CXCL6: variants seen among roughly 807,000 people sequenced by gnomAD.
The protein encoded by CXCL6 is C-X-C motif chemokine ligand 6, also known as C-X-C motif chemokine 6.
CXCL6 carries 18 observed loss-of-function variants against 10.5 expected under a neutral mutation model. The ratio of observed to expected loss-of-function variants is 1.71; its 90% CI spans 1.18 to 2.54. CXCL6 has a LOEUF of 2.54. CXCL6 is among the 30% of genes most tolerant of loss of function. CXCL6 has a pLI of 0.00. For missense variants in CXCL6, 171 were observed against 145.7 expected (o/e 1.17, Z -0.90); for synonymous variants, 82 against 68.3 (o/e 1.20, Z -0.99).
At chr4:73,837,482 CA>C in intron 3 of CXCL6, 140 bp from the exon 4 acceptor site, 1 of 935,088 alleles carries the variant, frequency 1.1e-6, no homozygotes, top group Non-Finnish European at 1.7e-6. Flanking sequence ...AACAATTACA[CA>C]GAGCTCATTA....
At position 73,836,701 on chromosome 4, in the gene CXCL6, C is replaced by A. The variant is rs748863270; in HGVS notation, c.-50C>A. 1.2e-5 allele frequency: 18 copies of A among 1,488,666 alleles called. No individual in the cohort carries two copies. In the African/African-American group the frequency reaches 1.7e-4, roughly 14 times the overall value. The allele number at this position is 1,488,666 out of a possible 1,614,324, so 92.2% of individuals were successfully genotyped here. A position where few individuals can be genotyped will look rare whatever the true frequency, so the allele number is the denominator to read the frequency against. The stretch of plus-strand genomic sequence containing the variant: ...ACCAAAGTGCTCTGTATCCTCCAGT[C>A]TCCGCGCCTCCACCCAGCTCAGGAA... On this transcript the variant is annotated 5_prime_UTR_variant, in exon 1 of 4. Transcript: ENST00000226317.
chr4:73,837,108 T>G lies in CXCL6; in HGVS notation c.242+12T>G. On this transcript the variant is annotated intron_variant, in intron 2 of 3. Coordinates refer to ENST00000226317, the MANE Select transcript of CXCL6 (RefSeq NM_002993.4). The stretch of plus-strand genomic sequence containing the variant: ...AAGGTGGAAGTGGTGTAAGTTCTCC[T>G]GTGTTGCTGTGTCCACTGTGACTTA... 1 of 1,612,866 alleles carries G rather than the reference T, an allele frequency of 6.2e-7. No homozygotes were observed. Among genetic ancestry groups the G allele is most frequent in the Non-Finnish European group, 8.5e-7 (1 of 1,179,422 alleles).
At chr4:73,837,587 G>A (rs1578139046) in intron 3 of CXCL6, 36 bp from the exon 4 acceptor site, 2 of 1,561,410 alleles carry the variant, frequency 1.3e-6, no homozygotes, top group Non-Finnish European at 1.7e-6. Context: ...AAGAGTGTGG[G>A]AATTGGTTAT....
At chr4:73,836,896 T>C in intron 1 of CXCL6, 37 bp downstream of exon 1, 1 of 1,608,652 alleles carries the variant, frequency 6.2e-7, no homozygotes. Context: ...TCCCAGCCTC[T>C]GCGGGGCCGC....
At position 73,836,700 on chromosome 4, in the gene CXCL6, T is replaced by G. The variant is rs1315274488; in HGVS notation, c.-51T>G. ...AACCAAAGTGCTCTGTATCCTCCAG[T>G]CTCCGCGCCTCCACCCAGCTCAGGA... On this transcript the variant is annotated 5_prime_UTR_variant, in exon 1 of 4. Coordinates refer to ENST00000226317, the MANE Select transcript of CXCL6 (RefSeq NM_002993.4). 1 of 1,479,556 alleles carries G rather than the reference T, an allele frequency of 6.8e-7. No individual in the cohort carries two copies. Among genetic ancestry groups the G allele is most frequent in the Admixed American group, 1.9e-5 (1 of 52,120 alleles). 91.7% of individuals were successfully genotyped at this position (1,479,556 alleles called of 1,614,324 possible).
rs1731150666 is a variant in CXCL6 at position 73,838,399 on chromosome 4, G to A, written c.*758G>A. Reference sequence around the variant, plus strand: ...TTCTGGTCACTAAATATACACTTTAGATAGATGAAGAAGCCCAAAAACAGA... The same window carrying A: ...TTCTGGTCACTAAATATACACTTTAAATAGATGAAGAAGCCCAAAAACAGA... On this transcript the variant is annotated 3_prime_UTR_variant, in exon 4 of 4. Coordinates refer to ENST00000226317, the MANE Select transcript of CXCL6 (RefSeq NM_002993.4). The A allele has an allele frequency of 6.6e-6, 1 of 152,150 alleles. No homozygotes were observed. The highest frequency in any genetic ancestry group is 2.1e-4 in the South Asian group (1 of 4,826). 9.4% of individuals were successfully genotyped at this position (152,150 alleles called of 1,614,324 possible).
In CXCL6 at chr4:73,836,689, G is replaced by A. The variant is rs1731107569; in HGVS notation, c.-62G>A. 1.4e-6 allele frequency: 2 copies of A among 1,401,292 alleles called. No homozygotes were observed. Among genetic ancestry groups the A allele is most frequent in the Admixed American group, 3.9e-5 (2 of 51,324 alleles). 86.8% of individuals were successfully genotyped at this position (1,401,292 alleles called of 1,614,324 possible). Reference sequence around the variant, plus strand: ...AGGCACGAGGAAACCAAAGTGCTCTGTATCCTCCAGTCTCCGCGCCTCCAC... The same window carrying A: ...AGGCACGAGGAAACCAAAGTGCTCTATATCCTCCAGTCTCCGCGCCTCCAC... On this transcript the variant is annotated 5_prime_UTR_variant, in exon 1 of 4. Transcript: ENST00000226317.
Position 73,836,859 on chromosome 4 carries a change from G to A in CXCL6, c.109G>A (p.Ala37Thr), listed in dbSNP as rs774289824. 8.1e-6 allele frequency: 13 copies of A among 1,612,304 alleles called. No individual in the cohort carries two copies. Among genetic ancestry groups the A allele is most frequent in the Non-Finnish European group, 1.1e-5 (13 of 1,179,042 alleles). ...LLTPPGPLAS[A>T]GPVSAVLTEL... ...GACGCCGCCGGGGCCCCTCGCCAGC[G>A]GTGAGAGCTCCTGGCACTGGGGTGC... The change falls in exon 1 of 4, where the codon GCT becomes ACT. Residue 37 changes from alanine to threonine, a missense_variant and splice_region_variant. Physicochemically the swap from Ala to Thr is moderately conservative, Grantham distance 58. Coordinates refer to ENST00000226317, the MANE Select transcript of CXCL6 (RefSeq NM_002993.4).
Position 73,837,704 on chromosome 4 carries a change from T to A in CXCL6, c.*63T>A. ...CTTCAGCGGAGCAGTTTTCTGGAGATCCCTGGACCCAGTAAGAATAAGAAG... is the reference window on the plus strand; with the variant it reads ...CTTCAGCGGAGCAGTTTTCTGGAGAACCCTGGACCCAGTAAGAATAAGAAG... On this transcript the variant is annotated 3_prime_UTR_variant, in exon 4 of 4. Coordinates refer to ENST00000226317, the MANE Select transcript of CXCL6 (RefSeq NM_002993.4). The A allele has an allele frequency of 1.4e-6, 2 of 1,382,284 alleles. No homozygotes were observed. The highest frequency in any genetic ancestry group is 2.0e-6 in the Non-Finnish European group (2 of 1,021,386). The allele number at this position is 1,382,284 out of a possible 1,614,324, so 85.6% of individuals were successfully genotyped here.
At position 73,837,093 on chromosome 4, in the gene CXCL6, T is replaced by G. The variant is rs756875879; in HGVS notation, c.239T>G (p.Val80Gly). ...GGCCCGCAGTGCTCCAAGGTGGAAG[T>G]GGTGTAAGTTCTCCTGTGTTGCTGT... Reference protein sequence around the residue: ...PAGPQCSKVEVVASLKNGKQV... With the variant: ...PAGPQCSKVEGVASLKNGKQV... Residue 80 changes from valine to glycine, a missense_variant, in exon 2 of 4, where the codon GTG becomes GGG. Val to Gly is a moderately radical substitution (Grantham distance 109). Transcript: ENST00000226317. 40 of 1,611,454 alleles carry G rather than the reference T, an allele frequency of 2.5e-5. No individual in the cohort carries two copies. In the South Asian group the frequency reaches 4.1e-4, roughly 16 times the overall value.
At position 73,837,249 on chromosome 4, in the gene CXCL6, C is replaced by A. The variant is rs1239375597; in HGVS notation, c.289C>A (p.Pro97Thr). 3 of 1,614,078 alleles carry A rather than the reference C, an allele frequency of 1.9e-6. No homozygotes were observed. ...GCAAGTTTGTCTGGACCCGGAAGCCCCTTTTCTAAAGAAAGTCATCCAGAA... is the reference window on the plus strand; with the variant it reads ...GCAAGTTTGTCTGGACCCGGAAGCCACTTTTCTAAAGAAAGTCATCCAGAA... ...GKQVCLDPEAPFLKKVIQKIL... is the reference protein window; with the variant it reads ...GKQVCLDPEATFLKKVIQKIL... Residue 97 changes from proline (P) to threonine (T), a missense_variant, in exon 3 of 4, where the codon CCT becomes ACT. Pro to Thr is a conservative substitution (Grantham distance 38, BLOSUM62 -1). Transcript: ENST00000226317.
rs1264106722 is a variant in CXCL6, at chr4:73,836,880, G to C, written c.109+21G>C. ...CAGCGGTGAGAGCTCCTGGCACTGGGGTGCATCCCAGCCTCTGCGGGGCCG... is the reference window on the plus strand; with the variant it reads ...CAGCGGTGAGAGCTCCTGGCACTGGCGTGCATCCCAGCCTCTGCGGGGCCG... On this transcript the variant is annotated intron_variant, in intron 1 of 3. Coordinates refer to ENST00000226317, the MANE Select transcript of CXCL6 (RefSeq NM_002993.4). 4 of 1,611,706 alleles carry C rather than the reference G, an allele frequency of 2.5e-6. No homozygotes were observed. In the Admixed American group the frequency reaches 6.7e-5, roughly 27 times the overall value.
Position 73,837,607 on chromosome 4 carries a change from AC to A in CXCL6, c.327-15del. 1 of 1,563,532 alleles carries A rather than the reference AC, an allele frequency of 6.4e-7. No homozygotes were observed. Among genetic ancestry groups the A allele is most frequent in the Middle Eastern group, 1.7e-4 (1 of 5,924 alleles). On this transcript the variant is annotated splice_polypyrimidine_tract_variant and intron_variant, in intron 3 of 3. Coordinates refer to ENST00000226317, the MANE Select transcript of CXCL6 (RefSeq NM_002993.4). ...TGTGGGAATTGGTTATACTAATATAACTCTTTTCTCAACAGTGGAAACAAGA... is the reference window on the plus strand; with the variant it reads ...TGTGGGAATTGGTTATACTAATATAATCTTTTCTCAACAGTGGAAACAAGA...
intron 3 of CXCL6, 45 bp downstream of exon 3, chr4:73,837,331 G>A (rs1013184396): frequency 8.2e-6 from 12 of 1,465,946 alleles, no homozygotes; most frequent in Admixed American, 5.0e-5. Flanking sequence ...ATCTTCTATG[G>A]AAAGCATATA....
In CXCL6 at chr4:73,836,699, G is replaced by T; in HGVS notation, c.-52G>T. ...AAACCAAAGTGCTCTGTATCCTCCA[G>T]TCTCCGCGCCTCCACCCAGCTCAGG... On this transcript the variant is annotated 5_prime_UTR_variant, in exon 1 of 4. Coordinates refer to ENST00000226317, the MANE Select transcript of CXCL6 (RefSeq NM_002993.4). The T allele has an allele frequency of 6.8e-7, 1 of 1,478,850 alleles. No individual in the cohort carries two copies. The highest frequency in any genetic ancestry group is 9.3e-7 in the Non-Finnish European group (1 of 1,077,694). 91.6% of individuals were successfully genotyped at this position (1,478,850 alleles called of 1,614,324 possible).
intron 2 of CXCL6, 27 bp from the exon 3 acceptor site, chr4:73,837,176 G>A (rs368465900): frequency 3.7e-6 from 6 of 1,613,812 alleles, no homozygotes; most frequent in East Asian, 2.2e-5. Context: ...GTGGCTCATG[G>A]GTGCATCCTC....
chr4:73,837,765 C>A lies in CXCL6; in HGVS notation c.*124C>A. On this transcript the variant is annotated 3_prime_UTR_variant, in exon 4 of 4. Coordinates refer to ENST00000226317, the MANE Select transcript of CXCL6 (RefSeq NM_002993.4). ...TTTTTTTCCATTTTCTACATGGATT[C>A]CCTACTTTGAAGAGTGTGGGGGAAA... 1 of 762,004 alleles carries A rather than the reference C, an allele frequency of 1.3e-6. No homozygotes were observed. Among genetic ancestry groups the A allele is most frequent in the South Asian group, 2.3e-5 (1 of 43,792 alleles). The allele number at this position is 762,004 out of a possible 1,614,324, so 47.2% of individuals were successfully genotyped here. A position where few individuals can be genotyped will look rare whatever the true frequency, so the allele number is the denominator to read the frequency against.
Position 73,837,713 on chromosome 4 carries a change from C to A in CXCL6, c.*72C>A, listed in dbSNP as rs949337617. On this transcript the variant is annotated 3_prime_UTR_variant, in exon 4 of 4. Transcript: ENST00000226317. Reference sequence around the variant, plus strand: ...AGCAGTTTTCTGGAGATCCCTGGACCCAGTAAGAATAAGAAGGAAGGGTTG... The same window carrying A: ...AGCAGTTTTCTGGAGATCCCTGGACACAGTAAGAATAAGAAGGAAGGGTTG... 3 of 1,311,188 alleles carry A rather than the reference C, an allele frequency of 2.3e-6. No homozygotes were observed. The highest frequency in any genetic ancestry group is 5.3e-5 in the East Asian group (2 of 37,846). The allele number at this position is 1,311,188 out of a possible 1,614,324, so 81.2% of individuals were successfully genotyped here.
chr4:73,837,446 C>T (rs576371584), intron 3 of CXCL6, 160 bp downstream of exon 3: 13 of 921,372 alleles, frequency 1.4e-5, no homozygotes, highest in Non-Finnish European at 2.2e-5. Flanking sequence ...TCTGGGTAAA[C>T]CTTTATCACC....
Sources: gnomAD v4.1 joint callset for allele counts on GRCh38, gnomAD v4.1.1 for gene constraint, MANE v1.5 for transcripts, NCBI Gene and HGNC (gene_info 2026-07-23, HGNC 2026-07-21) for gene names.